The following LHFPL2 variants were observed in gnomAD, a reference collection of about 807,000 sequenced individuals.
LHFPL2 encodes LHFPL tetraspan subfamily member 2.
LHFPL2 carries 7 observed loss-of-function variants against 17.5 expected under a neutral mutation model. The ratio of observed to expected loss-of-function variants is 0.40; its 90% CI spans 0.23 to 0.75. LHFPL2 has a LOEUF of 0.75. Ranked by LOEUF, LHFPL2 falls within the 30% of genes least tolerant of loss-of-function variation. The probability of loss-of-function intolerance (pLI) is 0.37; values close to 1 mark genes in which losing one functional copy is unlikely to be tolerated. For synonymous variants in LHFPL2, 134 were observed against 116.2 expected, an observed-to-expected ratio of 1.15 and a Z score of -0.99; for missense variants, 241 against 294.8, an observed-to-expected ratio of 0.82 and a Z score of 1.34.
chr5:78,603,763 T>G (rs1266831115), intron 2 of LHFPL2, among the ~76,000 whole-genome samples: 1 of 152,208 alleles, frequency 6.6e-6, no homozygotes, highest in East Asian at 1.9e-4. Context: ...CACACAGATG[T>G]TTGCAGCATT....
At chr5:78,531,244 C>T (rs956820532) in intron 3 of LHFPL2, among the ~76,000 whole-genome samples, 11 of 151,016 alleles carry the variant, frequency 7.3e-5, no homozygotes, top group South Asian at 2.1e-4. Context: ...GGAGAAACCC[C>T]GTCTCTACTT....
chr5:78,492,503 T>C (rs1754478128), intron 4 of LHFPL2, among the ~76,000 whole-genome samples: 1 of 152,324 alleles, frequency 6.6e-6, no homozygotes, highest in African/African-American at 2.4e-5. Context: ...ACAATCCTTA[T>C]TTTTGATAGC....
intron 2 of LHFPL2, among the ~76,000 whole-genome samples, chr5:78,589,816 C>T (rs1743561960): frequency 6.6e-6 from 1 of 152,184 alleles, no homozygotes; most frequent in Non-Finnish European, 1.5e-5. Context: ...ATGCCCAGTC[C>T]AGAGCAGGAC....
intron 3 of LHFPL2, among the ~76,000 whole-genome samples, chr5:78,562,295 A>C (rs1348260103): frequency 6.6e-6 from 1 of 152,208 alleles, no homozygotes; most frequent in African/African-American, 2.4e-5. Flanking sequence ...CCAGGGTCCC[A>C]ATCCAGGTCT....
intron 2 of LHFPL2, among the ~76,000 whole-genome samples, chr5:78,618,706 G>C (rs1009481017): frequency 6.6e-6 from 1 of 152,194 alleles, no homozygotes; most frequent in Non-Finnish European, 1.5e-5. Context: ...TCAGGGCATT[G>C]ACAAGTCCAC....
chr5:78,611,267 G>T (rs993201022), intron 2 of LHFPL2, among the ~76,000 whole-genome samples: 6 of 152,226 alleles, frequency 3.9e-5, no homozygotes, highest in Non-Finnish European at 5.9e-5. Context: ...CCAACTGCAG[G>T]GCCAGTCCAG....
chr5:78,497,573 G>C (rs1291472556), intron 4 of LHFPL2, among the ~76,000 whole-genome samples: 4 of 152,220 alleles, frequency 2.6e-5, no homozygotes. Context: ...CAGGTGCTTA[G>C]TAAATATTCA....
chr5:78,562,137 C>T (rs1756745573), intron 3 of LHFPL2, among the ~76,000 whole-genome samples: 1 of 152,208 alleles, frequency 6.6e-6, no homozygotes, highest in Non-Finnish European at 1.5e-5. Context: ...GGAACACCTG[C>T]TGTTTACTAC....
At chr5:78,647,051 C>T (rs540636361) in intron 1 of LHFPL2, among the ~76,000 whole-genome samples, 18 of 152,118 alleles carry the variant, frequency 1.2e-4, no homozygotes, top group Non-Finnish European at 2.5e-4. Flanking sequence ...TCCATGTGAC[C>T]ACTTAGAGAA....
chr5:78,561,941 C>G (rs1756740320), intron 3 of LHFPL2, among the ~76,000 whole-genome samples: 1 of 152,180 alleles, frequency 6.6e-6, no homozygotes, highest in South Asian at 2.1e-4. Flanking sequence ...CTTTTCAAAG[C>G]CTTCTCACAA....
At chr5:78,608,460 G>C (rs1209829748) in intron 2 of LHFPL2, among the ~76,000 whole-genome samples, 1 of 151,866 alleles carries the variant, frequency 6.6e-6, no homozygotes, top group Non-Finnish European at 1.5e-5. Flanking sequence ...GTCAAGCAAA[G>C]ACATAACTGC....
At chr5:78,526,569 C>T (rs1412414538) in intron 3 of LHFPL2, among the ~76,000 whole-genome samples, 1 of 152,174 alleles carries the variant, frequency 6.6e-6, no homozygotes, top group Non-Finnish European at 1.5e-5. Flanking sequence ...GTTCCTTCCT[C>T]ATCAAAGTAA....
At chr5:78,574,299 C>T (rs953194571) in intron 2 of LHFPL2, among the ~76,000 whole-genome samples, 1 of 152,218 alleles carries the variant, frequency 6.6e-6, no homozygotes, top group Non-Finnish European at 1.5e-5. Context: ...CCTCCAGCAG[C>T]AGGGCAAAGG....
intron 3 of LHFPL2, among the ~76,000 whole-genome samples, chr5:78,534,829 C>T (rs992640197): frequency 6.6e-6 from 1 of 152,196 alleles, no homozygotes; most frequent in African/African-American, 2.4e-5. Flanking sequence ...CAAAACTCCC[C>T]GGACCTGCCA....
In LHFPL2 at chr5:78,562,978, T is replaced by C. The variant is rs112448239; in HGVS notation, c.-186+1835A>G. On this transcript the variant is annotated intron_variant, in intron 3 of 4. Coordinates refer to ENST00000380345, the MANE Select transcript of LHFPL2 (RefSeq NM_005779.3). ...CCATTACTGGGAAACACATGAGAAG[T>C]GTAGGGCCTCTTCACTCGGGTTTTC... Among the ~76,000 whole-genome samples the C allele has an allele frequency of 7.7e-3, 1,171 of 152,262 alleles. 2 individuals carry two copies. The highest frequency in any genetic ancestry group is 0.02 in the Middle Eastern group (6 of 294).
chr5:78,610,319 G>T (rs1404531254), intron 2 of LHFPL2, among the ~76,000 whole-genome samples: 1 of 152,200 alleles, frequency 6.6e-6, no homozygotes, highest in Non-Finnish European at 1.5e-5. Flanking sequence ...AGAAGGAAAG[G>T]GCTACTAAAC....
chr5:78,628,671 T>A (rs967268495), intron 2 of LHFPL2, among the ~76,000 whole-genome samples: 2 of 152,160 alleles, frequency 1.3e-5, no homozygotes, highest in African/African-American at 4.8e-5. Flanking sequence ...GGAGGGCTGG[T>A]CACCCCCATA....
At chr5:78,556,734 T>C (rs1236715154) in intron 3 of LHFPL2, among the ~76,000 whole-genome samples, 2 of 152,086 alleles carry the variant, frequency 1.3e-5, no homozygotes, top group African/African-American at 2.4e-5. Context: ...ATATTTATAA[T>C]ATTAAACAAA....
chr5:78,635,228 G>A (rs772801559), intron 1 of LHFPL2, among the ~76,000 whole-genome samples: 8 of 152,248 alleles, frequency 5.3e-5, no homozygotes, highest in African/African-American at 1.2e-4. Context: ...TTGCCAGCCA[G>A]AGGCTGAGAA....
Sources: allele counts gnomAD v4.1 joint callset (sites outside exome capture counted in the v4.1 genomes callset), GRCh38; gene constraint gnomAD v4.1.1; transcripts MANE v1.5; gene names NCBI Gene and HGNC (gene_info 2026-07-23, HGNC 2026-07-21).